The following SGCZ variants were observed in gnomAD, a reference collection of about 807,000 sequenced individuals.
The protein encoded by SGCZ is zeta-sarcoglycan.
A neutral mutation model predicts 41.3 loss-of-function variants in SGCZ; 40 were observed. The ratio of observed to expected loss-of-function variants is 0.97; its 90% confidence interval spans 0.75 to 1.26. SGCZ has a LOEUF of 1.26. Among genes scored for constraint, SGCZ ranks in the 50% most tolerant of loss-of-function variants. SGCZ has a pLI of 0.00. For synonymous variants in SGCZ, 206 were observed against 137.5 expected, an observed-to-expected ratio of 1.50 and a Z score of -3.49; for missense variants, 552 against 369.8, an observed-to-expected ratio of 1.49 and a Z score of -4.04.
At chr8:14,775,940 G>C (rs1800388284) in intron 1 of SGCZ, among the ~76,000 whole-genome samples, 1 of 152,296 alleles carries the variant, frequency 6.6e-6, no homozygotes, top group African/African-American at 2.4e-5. Context: ...GAAAAGGAAA[G>C]TGGACTCTCT....
chr8:14,547,205 A>G (rs1803656482), intron 2 of SGCZ, among the ~76,000 whole-genome samples: 1 of 152,184 alleles, frequency 6.6e-6, no homozygotes, highest in African/African-American at 2.4e-5. Flanking sequence ...ATTTAGAATC[A>G]ACACAGAAAT....
At chr8:14,579,617 T>A (rs532671620) in intron 1 of SGCZ, among the ~76,000 whole-genome samples, 2 of 152,338 alleles carry the variant, frequency 1.3e-5, no homozygotes, top group African/African-American at 4.8e-5. Context: ...TAGCAATTAC[T>A]TTTTTACTAC....
chr8:14,850,932 T>G (rs1174297853), intron 1 of SGCZ, among the ~76,000 whole-genome samples: 1 of 152,200 alleles, frequency 6.6e-6, no homozygotes, highest in Non-Finnish European at 1.5e-5. Flanking sequence ...CCAGCCGTAC[T>G]GTGATTCAAT....
intron 1 of SGCZ, among the ~76,000 whole-genome samples, chr8:14,918,391 T>G (rs908060759): frequency 6.6e-6 from 1 of 152,080 alleles, no homozygotes; most frequent in Non-Finnish European, 1.5e-5. Context: ...TCTGGGGTAA[T>G]TTTCTCGGGG....
chr8:15,159,140 T>C (rs1799422546), intron 1 of SGCZ, among the ~76,000 whole-genome samples: 3 of 152,130 alleles, frequency 2.0e-5, no homozygotes, highest in Admixed American at 2.0e-4. Context: ...AATGATTTAA[T>C]CAGTCATGCC....
chr8:14,094,597 C>T (rs56106017), intron 7 of SGCZ, among the ~76,000 whole-genome samples: 2,842 of 152,172 alleles, frequency 0.019, 104 homozygotes, highest in African/African-American at 0.064. Flanking sequence ...AGTAAACATA[C>T]GTGTGCATGT....
chr8:14,501,960 G>T (rs74303165), intron 2 of SGCZ, among the ~76,000 whole-genome samples: 3 of 151,902 alleles, frequency 2.0e-5, no homozygotes, highest in African/African-American at 7.2e-5. Flanking sequence ...AAAATGAAGC[G>T]AAAAGTATAA....
intron 1 of SGCZ, among the ~76,000 whole-genome samples, chr8:15,214,608 T>A (rs1167410384): frequency 6.6e-6 from 1 of 152,152 alleles, no homozygotes; most frequent in East Asian, 1.9e-4. Flanking sequence ...ATGCTAGACA[T>A]GCACATCTTC....
intron 1 of SGCZ, among the ~76,000 whole-genome samples, chr8:15,121,226 G>T (rs1267259720): frequency 6.6e-6 from 1 of 152,158 alleles, no homozygotes; most frequent in Admixed American, 6.5e-5. Context: ...TAAAAAACCA[G>T]CATTGTCCAG....
chr8:14,234,337 G>A (rs1404554913), intron 4 of SGCZ, among the ~76,000 whole-genome samples: 1 of 151,958 alleles, frequency 6.6e-6, no homozygotes, highest in African/African-American at 2.4e-5. Flanking sequence ...GGAATTAGTA[G>A]GAAGCTAGGC....
chr8:15,168,013 A>T (rs2117055982), intron 1 of SGCZ, among the ~76,000 whole-genome samples: 1 of 152,328 alleles, frequency 6.6e-6, no homozygotes, highest in African/African-American at 2.4e-5. Context: ...ATAACACCCA[A>T]ATCTTTGCAG....
chr8:14,854,756 A>G (rs1284500266), intron 1 of SGCZ, among the ~76,000 whole-genome samples: 1 of 152,014 alleles, frequency 6.6e-6, no homozygotes, highest in Non-Finnish European at 1.5e-5. Flanking sequence ...TGCTATTATC[A>G]TTTTATTTTC....
intron 6 of SGCZ, among the ~76,000 whole-genome samples, chr8:14,103,207 C>G (rs986528078): frequency 2.0e-5 from 3 of 152,112 alleles, no homozygotes; most frequent in African/African-American, 7.2e-5. Context: ...GGGCAAGAAA[C>G]AAGTGTTTTA....
intron 1 of SGCZ, among the ~76,000 whole-genome samples, chr8:15,011,247 T>G (rs1260208798): frequency 6.6e-6 from 1 of 152,210 alleles, no homozygotes; most frequent in Admixed American, 6.5e-5. Context: ...ATTTTGGTAC[T>G]TCACTGTAGT....
intron 1 of SGCZ, among the ~76,000 whole-genome samples, chr8:14,964,429 T>C (rs1170098855): frequency 2.0e-5 from 3 of 152,178 alleles, no homozygotes; most frequent in African/African-American, 4.8e-5. Context: ...CCTAGGACTT[T>C]AGAGCTTCAA....
At chr8:14,568,083 A>G (rs1298285775) in intron 1 of SGCZ, among the ~76,000 whole-genome samples, 2 of 152,200 alleles carry the variant, frequency 1.3e-5, no homozygotes, top group African/African-American at 2.4e-5. Flanking sequence ...GAACCTTTGC[A>G]GGCACATGGA....
At chr8:14,595,118 T>TTCC in intron 1 of SGCZ, among the ~76,000 whole-genome samples, 1 of 152,280 alleles carries the variant, frequency 6.6e-6, no homozygotes, top group Admixed American at 6.5e-5. Context: ...TTAACATCAA[T>TTCC]AATGATGACA....
Position 14,724,205 on chromosome 8 carries a change from G to A in SGCZ, c.40-169279C>T, listed in dbSNP as rs145069503. ...TATTTGACCCTGAATGTTGTGTTCT[G>A]CTGTACTATTTAGAGGCAAGGGACT... is the stretch of plus-strand genomic sequence containing the variant. On this transcript the variant is annotated intron_variant, in intron 1 of 7. Coordinates refer to ENST00000382080, the MANE Select transcript of SGCZ (RefSeq NM_139167.4). Among the ~76,000 whole-genome samples, 1,461 of 152,168 alleles carry A rather than the reference G, an allele frequency of 9.6e-3. 18 individuals carry two copies. The highest frequency in any genetic ancestry group is 0.031 in the Middle Eastern group (9 of 290).
intron 1 of SGCZ, among the ~76,000 whole-genome samples, chr8:14,808,648 C>G (rs1325130639): frequency 6.6e-6 from 1 of 152,128 alleles, no homozygotes; most frequent in Non-Finnish European, 1.5e-5. Context: ...CAAACTAATT[C>G]AACCATTGTG....
Sources: allele counts gnomAD v4.1 joint callset (sites outside exome capture counted in the v4.1 genomes callset), GRCh38; gene constraint gnomAD v4.1.1; transcripts MANE v1.5; gene names NCBI Gene and HGNC (gene_info 2026-07-23, HGNC 2026-07-21).